The following PRPF3 variants were observed in gnomAD, a reference collection of about 807,000 sequenced individuals.
PRPF3 encodes pre-mRNA processing factor 3, also known as U4/U6 small nuclear ribonucleoprotein Prp3.
Under a neutral mutation model 89.2 loss-of-function variants are expected in PRPF3, and 3 were observed. That is an observed-to-expected ratio of 0.03 (90% CI 0.02 to 0.09). The LOEUF (loss-of-function observed/expected upper bound fraction) is 0.09, where lower values mean the gene tolerates loss of function less well. Among genes scored for constraint, PRPF3 ranks in the 10% least tolerant of loss-of-function variants. The pLI is 1.00. For missense variants in PRPF3, 463 were observed against 828.8 expected (o/e 0.56, Z 5.42); for synonymous variants, 270 against 289.1 (o/e 0.93, Z 0.67).
At chr1:150,349,251 T>C in intron 15 of PRPF3, 33 bp downstream of exon 15, 1 of 1,498,876 alleles carries the variant, frequency 6.7e-7, no homozygotes, top group Non-Finnish European at 9.3e-7. Context: ...TTGTAAAACT[T>C]TAGCCAACTC....
At chr1:150,327,957 G>C (rs1284887221) in intron 3 of PRPF3, 5 of 300,122 alleles carry the variant, frequency 1.7e-5, no homozygotes, top group Non-Finnish European at 2.6e-5. Flanking sequence ...TTTAATCAGA[G>C]TGGGATAGGT....
At chr1:150,344,079 T>G in intron 10 of PRPF3, 83 bp from the exon 11 acceptor site, 5 of 1,176,080 alleles carry the variant, frequency 4.3e-6, no homozygotes, top group Non-Finnish European at 6.3e-6. Context: ...GTAAATAATA[T>G]GAATTGGTAT....
At chr1:150,342,610 C>G (rs1036495042) in intron 9 of PRPF3, among the ~76,000 whole-genome samples, 1 of 152,066 alleles carries the variant, frequency 6.6e-6, no homozygotes, top group Non-Finnish European at 1.5e-5. Flanking sequence ...GCAACCTCCA[C>G]CTCCCGGATT....
chr1:150,329,072 CATGCTGGAGTGT>C (rs1283249948), intron 4 of PRPF3, among the ~76,000 whole-genome samples: 13 of 141,606 alleles, frequency 9.2e-5, no homozygotes, highest in African/African-American at 3.4e-4. Flanking sequence ...CTCTGTTGCC[CATGCTGGAGTGT>C]AGTGGCGTGA....
chr1:150,322,795 G>C (rs587602275), intron 1 of PRPF3, among the ~76,000 whole-genome samples: 24 of 151,968 alleles, frequency 1.6e-4, no homozygotes, highest in African/African-American at 5.5e-4. Flanking sequence ...ATGATTCCCA[G>C]ATCTTTGATA....
chr1:150,342,880 G>A (rs1418980000), intron 9 of PRPF3, among the ~76,000 whole-genome samples: 1 of 152,138 alleles, frequency 6.6e-6, no homozygotes, highest in Non-Finnish European at 1.5e-5. Context: ...GGTTGTCCAG[G>A]CTGGTCTCGA....
chr1:150,346,276 T>C (rs1658263753), intron 13 of PRPF3, 132 bp from the exon 14 acceptor site: 7 of 1,247,810 alleles, frequency 5.6e-6, no homozygotes, highest in Non-Finnish European at 7.1e-6. Flanking sequence ...CTTCTGTGTT[T>C]TTTGGAGTAG....
chr1:150,338,277 C>T lies in PRPF3; in HGVS notation c.1153C>T (p.Pro385Ser). The T allele has an allele frequency of 6.2e-7, 1 of 1,614,034 alleles. No homozygotes were observed. Among genetic ancestry groups the T allele is most frequent in the Non-Finnish European group, 8.5e-7 (1 of 1,179,988 alleles). ...PKKELKEGDI[P>S]EIEWWDSYII... Reference sequence around the variant, plus strand: ...GAAGGAGCTAAAGGAAGGAGATATTCCTGAAATTGAGTGGTGGGACTCTTA... The same window carrying T: ...GAAGGAGCTAAAGGAAGGAGATATTTCTGAAATTGAGTGGTGGGACTCTTA... Residue 385 changes from proline to serine, a missense_variant, in exon 8 of 16, where the codon CCT becomes TCT. Physicochemically the swap from Pro to Ser is moderately conservative, Grantham distance 74. This residue lies in a region of PRPF3 where 261 missense variants were observed against 475.8 expected (regional missense o/e 0.55). Transcript: ENST00000324862.
At chr1:150,334,906 G>T in intron 6 of PRPF3, 29 bp from the exon 7 acceptor site, 1 of 1,613,108 alleles carries the variant, frequency 6.2e-7, no homozygotes, top group South Asian at 1.1e-5. Context: ...TTCCATACAG[G>T]ATTTATTTCT....
chr1:150,328,223 T>G, intron 3 of PRPF3, 97 bp from the exon 4 acceptor site: 1 of 1,473,426 alleles, frequency 6.8e-7, no homozygotes, highest in South Asian at 1.1e-5. Context: ...CATATTCCCC[T>G]GGGAATAGCC....
In PRPF3 at chr1:150,335,196, T is replaced by C. The variant is rs782056758; in HGVS notation, c.990T>C (p.His330=). ...SQRQRRTFKF[H]DKGKFEKIAQ... is the part of the protein sequence containing the mutation. ...GCCAGAGACGCACTTTTAAATTCCATGACAAGGGCAAATTTGAGAAGATTG... is the reference window on the plus strand; with the variant it reads ...GCCAGAGACGCACTTTTAAATTCCACGACAAGGGCAAATTTGAGAAGATTG... The change falls in exon 7 of 16, where the codon CAT becomes CAC. Residue 330 remains histidine (H), a synonymous_variant. Coordinates refer to ENST00000324862, the MANE Select transcript of PRPF3 (RefSeq NM_004698.4). 3.1e-6 allele frequency: 5 copies of C among 1,614,040 alleles called. No individual in the cohort carries two copies. Among genetic ancestry groups the C allele is most frequent in the Admixed American group, 3.3e-5 (2 of 59,982 alleles).
In PRPF3 at chr1:150,333,027, A is replaced by G; in HGVS notation, c.556A>G (p.Thr186Ala). Residue 186 changes from threonine (T) to alanine (A), a missense_variant, in exon 6 of 16, where the codon ACT becomes GCT. Physicochemically the swap from Thr to Ala is moderately conservative, Grantham distance 58 (BLOSUM62 0). Transcript: ENST00000324862. ...SQPERLPIGN[T>A]IQPSQAATFM... ...ACCAGAACGACTTCCTATTGGCAACACTATTCAGCCCTCCCAGGCTGCCAC... is the reference window on the plus strand; with the variant it reads ...ACCAGAACGACTTCCTATTGGCAACGCTATTCAGCCCTCCCAGGCTGCCAC... The G allele has an allele frequency of 6.2e-7, 1 of 1,614,022 alleles. No individual in the cohort carries two copies. The highest frequency in any genetic ancestry group is 1.7e-5 in the Admixed American group (1 of 60,012).
Position 150,332,974 on chromosome 1 carries a change from C to G in PRPF3, c.508-5C>G. 2 of 1,611,082 alleles carry G rather than the reference C, an allele frequency of 1.2e-6. No homozygotes were observed. The highest frequency in any genetic ancestry group is 2.2e-5 in the South Asian group (2 of 91,018). ...TCCTCTGATTTCTTTTTCTCTATCT[C>G]ACAGCCAAAGACTCCTTCTTCCTCC... On this transcript the variant is annotated splice_polypyrimidine_tract_variant and splice_region_variant and intron_variant, in intron 5 of 15. Coordinates refer to ENST00000324862, the MANE Select transcript of PRPF3 (RefSeq NM_004698.4).
rs965706362 is a variant in PRPF3 at position 150,324,981 on chromosome 1, A to G, written c.39A>G (p.Pro13=). 6.2e-7 allele frequency: 1 copy of G among 1,613,520 alleles called. No individual in the cohort carries two copies. The highest frequency in any genetic ancestry group is 8.5e-7 in the Non-Finnish European group (1 of 1,179,898). ...LSKRELDELK[P]WIEKTVKRVL... is the part of the protein sequence containing the mutation. ...AGAGGGAGCTGGATGAGCTGAAACC[A>G]TGGATAGAGAAGACAGTGAAGAGGG... The change falls in exon 2 of 16, where the codon CCA becomes CCG. Residue 13 remains proline (P), a synonymous_variant. Coordinates refer to ENST00000324862, the MANE Select transcript of PRPF3 (RefSeq NM_004698.4).
At chr1:150,346,372 C>T (rs782400019) in intron 13 of PRPF3, 36 bp from the exon 14 acceptor site, 57 of 1,587,418 alleles carry the variant, frequency 3.6e-5, no homozygotes, top group Non-Finnish European at 4.6e-5. Context: ...CATCATCTTC[C>T]ACAGTTCTGG....
At chr1:150,331,567 G>A (rs1003480559) in intron 4 of PRPF3, among the ~76,000 whole-genome samples, 4 of 151,304 alleles carry the variant, frequency 2.6e-5, no homozygotes, top group African/African-American at 9.7e-5. Flanking sequence ...GTTTCACCAT[G>A]TTAGCCAGGC....
intron 3 of PRPF3, among the ~76,000 whole-genome samples, chr1:150,326,666 TG>T (rs1436258327): frequency 2.2e-4 from 24 of 107,028 alleles, no homozygotes; most frequent in African/African-American, 9.0e-4. Flanking sequence ...CTTGGTCCCC[TG>T]GCCAGGCTAT....
intron 9 of PRPF3, among the ~76,000 whole-genome samples, chr1:150,341,488 C>G (rs1657722504): frequency 6.8e-6 from 1 of 146,754 alleles, no homozygotes; most frequent in Admixed American, 7.1e-5. Flanking sequence ...TCACCACAAC[C>G]TCTGCCTCCT....
chr1:150,341,400 ATTTTTTTTT>A (rs1169772517), intron 9 of PRPF3, among the ~76,000 whole-genome samples: 4 of 101,906 alleles, frequency 3.9e-5, no homozygotes, highest in Non-Finnish European at 7.5e-5. Context: ...AGTTGCTTCT[ATTTTTTTTT>A]TTTTTTTTTT....
Sources: gnomAD v4.1 joint callset for allele counts (sites outside exome capture counted in the v4.1 genomes callset) on GRCh38, gnomAD v4.1.1 for gene constraint, gnomAD v4.1.1 regional missense constraint, MANE v1.5 for transcripts, NCBI Gene and HGNC (gene_info 2026-07-23, HGNC 2026-07-21) for gene names.